Variants in ERBIN observed in about 807,000 individuals in gnomAD.
ERBIN encodes the protein densin-180-like protein.
Under a neutral mutation model 158.4 loss-of-function variants are expected in ERBIN, and 60 were observed. The ratio of observed to expected loss-of-function variants is 0.38; its 90% CI spans 0.31 to 0.47. The LOEUF is 0.47. Among genes scored for constraint, ERBIN ranks in the 20% least tolerant of loss-of-function variants. The pLI is 0.99. For missense variants in ERBIN, 1,610 were observed against 1,648.0 expected, an observed-to-expected ratio of 0.98 and a Z score of 0.40; for synonymous variants, 594 against 557.2, an observed-to-expected ratio of 1.07 and a Z score of -0.93.
At chr5:66,036,682 G>A (rs1757430318) in intron 14 of ERBIN, among the ~76,000 whole-genome samples, 1 of 152,092 alleles carries the variant, frequency 6.6e-6, no homozygotes, top group Non-Finnish European at 1.5e-5. Context: ...TACATGCTTT[G>A]CTCACCACTC....
chr5:66,077,100 G>A (rs547425904), intron 25 of ERBIN, 151 bp downstream of exon 25: 34 of 513,200 alleles, frequency 6.6e-5, no homozygotes, highest in East Asian at 1.1e-4. Context: ...GCAGCGAGCC[G>A]AGATCGCGCC....
At chr5:66,016,914 T>A (rs1754804127) in intron 7 of ERBIN, among the ~76,000 whole-genome samples, 1 of 151,990 alleles carries the variant, frequency 6.6e-6, no homozygotes, top group Admixed American at 6.6e-5. Flanking sequence ...CACACCCGGC[T>A]TGGGATCTTT....
At chr5:66,000,920 C>T (rs1752955566) in intron 4 of ERBIN, among the ~76,000 whole-genome samples, 1 of 151,900 alleles carries the variant, frequency 6.6e-6, no homozygotes, top group South Asian at 2.1e-4. Flanking sequence ...GTGTATTTAA[C>T]CCATTTTACC....
Position 66,038,466 on chromosome 5 carries a change from G to A in ERBIN, c.1290G>A (p.Gln430=), listed in dbSNP as rs772778458. 1.2e-6 allele frequency: 2 copies of A among 1,606,934 alleles called. No homozygotes were observed. The highest frequency in any genetic ancestry group is 1.7e-5 in the Admixed American group (1 of 59,250). Residue 430 remains glutamine (Q), a synonymous_variant, in exon 15 of 26, where the codon CAG becomes CAA. Transcript: ENST00000284037. ...TTACCAACTACATGTTCCCTCAACAGCCAAGGACTGAGGATGGTAGGAATT... is the reference window on the plus strand; with the variant it reads ...TTACCAACTACATGTTCCCTCAACAACCAAGGACTGAGGATGGTAGGAATT... ...MVLTNYMFPQ[Q]PRTEDVMFIS...
At chr5:66,013,401 C>T in intron 5 of ERBIN, 148 bp from the exon 6 acceptor site, 1 of 642,678 alleles carries the variant, frequency 1.6e-6, no homozygotes, top group East Asian at 2.7e-5. Context: ...AAAGGCAAAT[C>T]TTTGAAGGGG....
intron 1 of ERBIN, among the ~76,000 whole-genome samples, chr5:65,944,007 A>G (rs1025887394): frequency 3.3e-5 from 5 of 152,168 alleles, no homozygotes; most frequent in Non-Finnish European, 7.4e-5. Flanking sequence ...ATAATACTCC[A>G]TTGTATGTAT....
rs183800504 is a variant in ERBIN, at chr5:66,071,942, A to G, written c.3634-227A>G. Among the ~76,000 whole-genome samples the G allele has an allele frequency of 2.2e-3, 331 of 152,258 alleles. 2 individuals carry two copies. The highest frequency in any genetic ancestry group is 7.7e-3 in the African/African-American group (321 of 41,534). On this transcript the variant is annotated intron_variant, in intron 21 of 25. Coordinates refer to ENST00000284037, the MANE Select transcript of ERBIN (RefSeq NM_001253697.2). The stretch of plus-strand genomic sequence containing the variant: ...TGTATTGTACATAAGTAGATTAACA[A>G]TATGTTTTCATATAAGCTTTTCATA...
intron 25 of ERBIN, 53 bp from the exon 26 acceptor site, chr5:66,078,370 T>C: frequency 8.7e-7 from 1 of 1,145,108 alleles, no homozygotes; most frequent in Non-Finnish European, 1.3e-6. Context: ...TTGGCAGAAA[T>C]GCAAATAAAT....
rs562034462 is a variant in ERBIN, at chr5:65,945,638, A to G, written c.-58+18832A>G. Among the ~76,000 whole-genome samples the G allele has an allele frequency of 7.2e-5, 11 of 152,274 alleles. No individual in the cohort carries two copies. The Middle Eastern group carries it at 0.014, about 188-fold the overall frequency. Reference sequence around the variant, plus strand: ...ATTCAATTTAAAACTTAAATATATAAACTATTTTATGTAGTTTTCTAATTG... The same window carrying G: ...ATTCAATTTAAAACTTAAATATATAGACTATTTTATGTAGTTTTCTAATTG... On this transcript the variant is annotated intron_variant, in intron 1 of 25. Transcript: ENST00000284037.
At chr5:66,001,605 T>C (rs1753015255) in intron 4 of ERBIN, among the ~76,000 whole-genome samples, 1 of 152,206 alleles carries the variant, frequency 6.6e-6, no homozygotes, top group African/African-American at 2.4e-5. Flanking sequence ...ATCTGTAAGA[T>C]TGTTAAACAC....
At chr5:66,040,779 G>A (rs1757849093) in intron 15 of ERBIN, among the ~76,000 whole-genome samples, 1 of 151,474 alleles carries the variant, frequency 6.6e-6, no homozygotes, top group South Asian at 2.1e-4. Flanking sequence ...CTTTGTGACA[G>A]GTATCGTGCT....
At chr5:66,009,963 G>C (rs1754031407) in intron 4 of ERBIN, among the ~76,000 whole-genome samples, 1 of 152,164 alleles carries the variant, frequency 6.6e-6, no homozygotes, top group South Asian at 2.1e-4. Flanking sequence ...GTCCGAAAAA[G>C]TGCCAGTTAA....
intron 1 of ERBIN, among the ~76,000 whole-genome samples, chr5:65,958,487 G>A (rs146740902): frequency 0.032 from 4,838 of 152,256 alleles, 129 homozygotes; most frequent in African/African-American, 0.072. Context: ...CAGGCGGGGC[G>A]GTGCGCGCCT....
rs1381479790 is a variant in ERBIN, at chr5:66,080,832, C to G, written c.*2302C>G. ...ATATGCACTGGCATTTTATCCTACTCTAGTTAGTTAAAATTTTATAGTATT... is the reference window on the plus strand; with the variant it reads ...ATATGCACTGGCATTTTATCCTACTGTAGTTAGTTAAAATTTTATAGTATT... On this transcript the variant is annotated 3_prime_UTR_variant, in exon 26 of 26. Transcript: ENST00000284037. 3.3e-5 allele frequency: 5 copies of G among 151,960 alleles called. No homozygotes were observed. The highest frequency in any genetic ancestry group is 7.4e-5 in the Non-Finnish European group (5 of 67,878). 9.4% of individuals were successfully genotyped at this position (151,960 alleles called of 1,614,324 possible).
chr5:65,953,239 G>C (rs1213496532), intron 1 of ERBIN, among the ~76,000 whole-genome samples: 1 of 152,172 alleles, frequency 6.6e-6, no homozygotes, highest in East Asian at 1.9e-4. Flanking sequence ...CAAGCCTAAG[G>C]ATACACAGTC....
chr5:65,975,705 A>G (rs1407624573), intron 1 of ERBIN, among the ~76,000 whole-genome samples: 2 of 152,248 alleles, frequency 1.3e-5, no homozygotes, highest in Non-Finnish European at 2.9e-5. Context: ...TGATAGAATA[A>G]TTGAAGTCAG....
intron 12 of ERBIN, 112 bp downstream of exon 12, chr5:66,026,089 G>A: frequency 1.0e-6 from 1 of 1,001,678 alleles, no homozygotes; most frequent in Middle Eastern, 3.2e-4. Context: ...TAGTTTTCAA[G>A]TTATTTATTT....
At chr5:65,941,670 C>G (rs1052627217) in intron 1 of ERBIN, among the ~76,000 whole-genome samples, 1 of 152,090 alleles carries the variant, frequency 6.6e-6, no homozygotes, top group African/African-American at 2.4e-5. Context: ...GGAAAAGGAT[C>G]TTTGTCACTA....
At chr5:65,984,047 G>A (rs1750943650) in intron 1 of ERBIN, among the ~76,000 whole-genome samples, 1 of 151,056 alleles carries the variant, frequency 6.6e-6, no homozygotes, top group African/African-American at 2.5e-5. Flanking sequence ...CCCAAGAGGA[G>A]GTATCAAGCA....
Sources: allele counts gnomAD v4.1 joint callset (sites outside exome capture counted in the v4.1 genomes callset), GRCh38; gene constraint gnomAD v4.1.1; transcripts MANE v1.5; gene names NCBI Gene and HGNC (gene_info 2026-07-23, HGNC 2026-07-21).